Variants in TJP2 observed in about 807,000 individuals in gnomAD.
TJP2 encodes the protein tight junction protein 2, also known as Friedreich ataxia region gene X104 (tight junction protein ZO-2).
A neutral mutation model predicts 133.1 loss-of-function variants in TJP2; 91 were observed. The observed-to-expected ratio is 0.68, with a 90% CI of 0.58 to 0.81. TJP2 has a LOEUF of 0.81. Ranked by LOEUF, TJP2 falls within the 40% of genes least tolerant of loss-of-function variation. TJP2 has a pLI of 0.00. For missense variants in TJP2, 1,541 were observed against 1,565.6 expected (o/e 0.98, Z 0.26); for synonymous variants, 592 against 583.4 (o/e 1.01, Z -0.21).
At chr9:69,148,367 G>A (rs1272303898) in intron 1 of TJP2, among the ~76,000 whole-genome samples, 1 of 137,922 alleles carries the variant, frequency 7.3e-6, no homozygotes, top group Non-Finnish European at 1.5e-5. Context: ...TTCCCCCTCT[G>A]TAATACTTTT....
intron 1 of TJP2, among the ~76,000 whole-genome samples, chr9:69,211,596 T>C (rs1827917975): frequency 6.6e-6 from 1 of 152,230 alleles, no homozygotes; most frequent in African/African-American, 2.4e-5. Flanking sequence ...CTTGGTGGTA[T>C]GGCCAGTGCA....
At chr9:69,163,695 A>G (rs1370206037) in intron 2 of TJP2, among the ~76,000 whole-genome samples, 3 of 151,674 alleles carry the variant, frequency 2.0e-5, no homozygotes, top group African/African-American at 7.3e-5. Flanking sequence ...CTGAACTCAA[A>G]TCCCTGAGCT....
chr9:69,254,489 A>T lies in TJP2; in HGVS notation c.*115A>T. Reference sequence around the variant, plus strand: ...GAATGCACCATGGAGACGTGGTGGGACTCCAGCTCGTGTGTCCTCATGGAG... The same window carrying T: ...GAATGCACCATGGAGACGTGGTGGGTCTCCAGCTCGTGTGTCCTCATGGAG... On this transcript the variant is annotated 3_prime_UTR_variant, in exon 23 of 23. Transcript: ENST00000377245. 1 of 1,350,420 alleles carries T rather than the reference A, an allele frequency of 7.4e-7. No individual in the cohort carries two copies. Among genetic ancestry groups the T allele is most frequent in the Non-Finnish European group, 1.0e-6 (1 of 964,240 alleles). 83.7% of individuals were successfully genotyped at this position (1,350,420 alleles called of 1,614,324 possible). A position where few individuals can be genotyped will look rare whatever the true frequency, so the allele number is the denominator to read the frequency against.
intron 1 of TJP2, among the ~76,000 whole-genome samples, chr9:69,140,779 G>A (rs118108987): frequency 0.032 from 4,824 of 152,290 alleles, 114 homozygotes; most frequent in Middle Eastern, 0.054. Flanking sequence ...TAGAAACAGC[G>A]TAGGATCAAT....
intron 2 of TJP2, among the ~76,000 whole-genome samples, chr9:69,158,993 A>T (rs887480164): frequency 1.4e-5 from 2 of 147,002 alleles, no homozygotes; most frequent in African/African-American, 5.1e-5. Context: ...CCCCCCCCCC[A>T]TCAAAATTAT....
upstream of TJP2, chr9:69,174,033 C>A (rs7860124): frequency 0.42 from 436,540 of 1,039,862 alleles, 92,809 homozygotes; most frequent in East Asian, 0.64. Context: ...CCGCCTCCCG[C>A]CCCCGGCCAG....
At position 69,152,337 on chromosome 9, in the gene TJP2, T is replaced by A. The variant is rs957685991; in HGVS notation, c.-10+566T>A. ...ACAAGGTCTTAAATTTTGACAGATG[T>A]GGGATGCATTTGTTTTTTGTTACAC... On this transcript the variant is annotated intron_variant, in intron 2 of 5. Transcript: ENST00000423935. 7.2e-5 allele frequency among the ~76,000 whole-genome samples: 11 copies of A among 152,300 alleles called. No individual in the cohort carries two copies. In the South Asian group the frequency reaches 2.1e-3, roughly 29 times the overall value.
intron 1 of TJP2, among the ~76,000 whole-genome samples, chr9:69,202,947 T>G (rs1827102139): frequency 1.3e-5 from 2 of 152,188 alleles, no homozygotes; most frequent in Non-Finnish European, 2.9e-5. Context: ...AAAAAAGAAT[T>G]ACTGCTGCTA....
chr9:69,222,858 C>T (rs1025533361), intron 5 of TJP2, among the ~76,000 whole-genome samples: 2 of 151,746 alleles, frequency 1.3e-5, no homozygotes, highest in Non-Finnish European at 2.9e-5. Flanking sequence ...GACTTGAGGT[C>T]AGGAGTTGGA....
At chr9:69,131,841 C>T (rs750940424) in intron 1 of TJP2, among the ~76,000 whole-genome samples, 62 of 152,218 alleles carry the variant, frequency 4.1e-4, no homozygotes, top group Non-Finnish European at 7.1e-4. Context: ...AACCCTGCAT[C>T]TGTGGAGAGG....
At chr9:69,180,148 C>T (rs907687085) in intron 1 of TJP2, among the ~76,000 whole-genome samples, 6 of 152,184 alleles carry the variant, frequency 3.9e-5, no homozygotes, top group Non-Finnish European at 7.3e-5. Context: ...AGTGACAAGT[C>T]AGGCATTTGG....
At chr9:69,247,633 G>A (rs908032886) in intron 18 of TJP2, among the ~76,000 whole-genome samples, 2 of 152,174 alleles carry the variant, frequency 1.3e-5, no homozygotes, top group African/African-American at 4.8e-5. Context: ...GTAGAGGCAT[G>A]GATGTGAGTG....
intron 1 of TJP2, among the ~76,000 whole-genome samples, chr9:69,197,349 A>G (rs951278605): frequency 6.6e-6 from 1 of 152,208 alleles, no homozygotes; most frequent in African/African-American, 2.4e-5. Flanking sequence ...TTGTATGGAT[A>G]TACCACATTT....
chr9:69,251,919 T>G (rs1317527214), intron 21 of TJP2, among the ~76,000 whole-genome samples: 1 of 152,176 alleles, frequency 6.6e-6, no homozygotes, highest in Non-Finnish European at 1.5e-5. Context: ...ATCTGAGCAT[T>G]TTTCTTTTCT....
At chr9:69,202,622 G>C (rs112745765) in intron 1 of TJP2, among the ~76,000 whole-genome samples, 1 of 152,190 alleles carries the variant, frequency 6.6e-6, no homozygotes, top group Non-Finnish European at 1.5e-5. Context: ...AAGTAAGCTA[G>C]GGAAGAGAAA....
chr9:69,160,450 C>A (rs1046329914), intron 2 of TJP2, among the ~76,000 whole-genome samples: 3 of 152,160 alleles, frequency 2.0e-5, no homozygotes, highest in Admixed American at 1.3e-4. Context: ...TTCATTATGA[C>A]TCCACACCTT....
At chr9:69,225,269 T>C (rs1829247870) in intron 5 of TJP2, 35 bp from the exon 6 acceptor site, 1 of 1,357,336 alleles carries the variant, frequency 7.4e-7, no homozygotes. Context: ...AACAAATTGA[T>C]AACATACGTG....
intron 11 of TJP2, among the ~76,000 whole-genome samples, chr9:69,232,194 A>G (rs1351268715): frequency 6.6e-6 from 1 of 152,210 alleles, no homozygotes; most frequent in Non-Finnish European, 1.5e-5. Context: ...TTTTGCTGTC[A>G]TCCCATATGG....
chr9:69,206,346 T>C (rs72709073), intron 1 of TJP2, among the ~76,000 whole-genome samples: 16,434 of 152,106 alleles, frequency 0.11, 974 homozygotes, highest in South Asian at 0.17. Context: ...GCACCTGCCT[T>C]GCTTTACCCT....
Sources: gnomAD v4.1 joint callset for allele counts (sites outside exome capture counted in the v4.1 genomes callset) on GRCh38, gnomAD v4.1.1 for gene constraint, MANE v1.5 for transcripts, NCBI Gene and HGNC (gene_info 2026-07-23, HGNC 2026-07-21) for gene names.